The following HINT3 variants were observed in gnomAD, a reference collection of about 807,000 sequenced individuals.
The protein encoded by HINT3 is adenosine 5'-monophosphoramidase HINT3.
Under a neutral mutation model 19.1 loss-of-function variants are expected in HINT3, and 16 were observed. The observed-to-expected ratio is 0.84, with a 90% CI of 0.57 to 1.27. The LOEUF is 1.27. Ranked by LOEUF, HINT3 falls within the 50% of genes most tolerant of loss-of-function variation. The pLI, the probability that HINT3 is intolerant of heterozygous loss-of-function variation, is 0.00. For synonymous variants in HINT3, 75 were observed against 84.8 expected (o/e 0.88, Z 0.63); for missense variants, 197 against 225.8 (o/e 0.87, Z 0.82).
intron 1 of HINT3, among the ~76,000 whole-genome samples, chr6:125,963,659 C>A (rs1662526842): frequency 6.6e-6 from 1 of 152,084 alleles, no homozygotes; most frequent in Non-Finnish European, 1.5e-5. Context: ...AGGAGAAAAA[C>A]AATTTTTATT....
Position 125,966,880 on chromosome 6 carries a change from C to G in HINT3, c.202-7C>G. On this transcript the variant is annotated splice_region_variant and splice_polypyrimidine_tract_variant and intron_variant, in intron 1 of 4. Coordinates refer to ENST00000229633, the MANE Select transcript of HINT3 (RefSeq NM_138571.5). ...AAAAATTCACTAACAAATGTTTTTT[C>G]CTTTAGAATGAGGACCTAATTTGCT... The G allele has an allele frequency of 1.3e-6, 2 of 1,574,126 alleles. No homozygotes were observed. Among genetic ancestry groups the G allele is most frequent in the Non-Finnish European group, 1.7e-6 (2 of 1,148,074 alleles).
At chr6:125,957,448 G>T (rs1348079576) in intron 1 of HINT3, among the ~76,000 whole-genome samples, 1 of 152,184 alleles carries the variant, frequency 6.6e-6, no homozygotes, top group African/African-American at 2.4e-5. Flanking sequence ...GTTCCCAGGG[G>T]CAAAGAGTGA....
At chr6:125,962,209 T>TAC (rs1304880637) in intron 1 of HINT3, among the ~76,000 whole-genome samples, 1,401 of 20,254 alleles carry the variant, frequency 0.069, 160 homozygotes, top group Non-Finnish European at 0.11. Flanking sequence ...TATATATATA[T>TAC]ACACATATAT....
intron 1 of HINT3, among the ~76,000 whole-genome samples, chr6:125,959,180 C>G (rs1002214234): frequency 6.6e-6 from 1 of 151,952 alleles, no homozygotes; most frequent in Non-Finnish European, 1.5e-5. Context: ...TATCTCTAAC[C>G]CAGATTACAG....
chr6:125,968,761 T>C lies in HINT3; in HGVS notation c.319+1757T>C, dbSNP rs1319581801. ...GGGTTTGATTTGCATTTCCTGATGA[T>C]TAGTGATGTGGAGCATTTTTTTCAT... is the stretch of plus-strand genomic sequence containing the variant. On this transcript the variant is annotated intron_variant, in intron 2 of 4. Transcript: ENST00000229633. Among the ~76,000 whole-genome samples, 21 of 152,298 alleles carry C rather than the reference T, an allele frequency of 1.4e-4. No individual in the cohort carries two copies. In the South Asian group the frequency reaches 2.3e-3, roughly 17 times the overall value.
intron 1 of HINT3, among the ~76,000 whole-genome samples, chr6:125,965,564 C>T (rs1007638239): frequency 6.6e-6 from 1 of 151,950 alleles, no homozygotes; most frequent in Non-Finnish European, 1.5e-5. Flanking sequence ...AGTTTGAGAC[C>T]TGCCTGGATA....
At chr6:125,968,406 T>C (rs906486046) in intron 2 of HINT3, among the ~76,000 whole-genome samples, 7 of 152,238 alleles carry the variant, frequency 4.6e-5, no homozygotes, top group African/African-American at 1.7e-4. Flanking sequence ...CTTTATCTAG[T>C]CTACTGCTGA....
intron 1 of HINT3, among the ~76,000 whole-genome samples, chr6:125,960,662 G>C (rs532266489): frequency 4.9e-5 from 7 of 143,532 alleles, no homozygotes; most frequent in African/African-American, 1.8e-4. Context: ...CTCTGGGGGG[G>C]GGGAAAAAAA....
At chr6:125,959,838 C>T (rs967409049) in intron 1 of HINT3, among the ~76,000 whole-genome samples, 9 of 152,208 alleles carry the variant, frequency 5.9e-5, no homozygotes, top group African/African-American at 1.9e-4. Flanking sequence ...TCATTCCTCA[C>T]TCTCTGTGTG....
Position 125,979,343 on chromosome 6 carries a change from C to T in HINT3, c.*1667C>T, listed in dbSNP as rs1789217686. On this transcript the variant is annotated 3_prime_UTR_variant, in exon 5 of 5. Transcript: ENST00000229633. ...TACATAGATTAACAGTTACAAGTTT[C>T]CATAAATCAGTTAGAATATGACTAG... is the stretch of plus-strand genomic sequence containing the variant. The T allele has an allele frequency of 6.6e-6, 1 of 152,080 alleles. No homozygotes were observed. The allele number at this position is 152,080 out of a possible 1,614,324, so 9.4% of individuals were successfully genotyped here.
At chr6:125,963,888 G>T (rs569209336) in intron 1 of HINT3, among the ~76,000 whole-genome samples, 1 of 152,120 alleles carries the variant, frequency 6.6e-6, no homozygotes, top group African/African-American at 2.4e-5. Flanking sequence ...CTGAAAGATC[G>T]TAGAAAATCC....
intron 1 of HINT3, among the ~76,000 whole-genome samples, chr6:125,958,177 A>G (rs1205504467): frequency 1.3e-5 from 2 of 152,120 alleles, no homozygotes; most frequent in Admixed American, 1.3e-4. Context: ...CAGATGAGGA[A>G]ATGGAGAGAA....
intron 3 of HINT3, among the ~76,000 whole-genome samples, chr6:125,973,415 C>T (rs1789137702): frequency 6.6e-6 from 1 of 152,028 alleles, no homozygotes; most frequent in Non-Finnish European, 1.5e-5. Context: ...TAATGTTTTT[C>T]TTTTTAAAAG....
intron 3 of HINT3, among the ~76,000 whole-genome samples, chr6:125,973,272 T>A (rs148287453): frequency 1.1e-4 from 16 of 151,748 alleles, no homozygotes; most frequent in African/African-American, 3.9e-4. Flanking sequence ...AGAGACAGGG[T>A]TTTGCTATGT....
rs1324091386 is a variant in HINT3, at chr6:125,977,736, C to T, written c.*60C>T. On this transcript the variant is annotated 3_prime_UTR_variant, in exon 5 of 5. Coordinates refer to ENST00000229633, the MANE Select transcript of HINT3 (RefSeq NM_138571.5). ...TTCAGCATGAAGTGGTATTTAGGTC[C>T]CTTTTAAGTCTAATTGCAATTTTAA... The T allele has an allele frequency of 3.1e-6, 3 of 953,528 alleles. No individual in the cohort carries two copies. The highest frequency in any genetic ancestry group is 3.4e-5 in the African/African-American group (2 of 58,534). The allele number at this position is 953,528 out of a possible 1,614,324, so 59.1% of individuals were successfully genotyped here.
At chr6:125,959,254 A>G (rs1788885181) in intron 1 of HINT3, among the ~76,000 whole-genome samples, 1 of 152,214 alleles carries the variant, frequency 6.6e-6, no homozygotes, top group Non-Finnish European at 1.5e-5. Flanking sequence ...CCATGAGGTA[A>G]AAAGTGAAGG....
intron 2 of HINT3, 90 bp downstream of exon 2, chr6:125,967,094 A>G: frequency 1.3e-6 from 1 of 757,312 alleles, no homozygotes; most frequent in Non-Finnish European, 2.1e-6. Flanking sequence ...AGTCTAGTTA[A>G]GTACTGTGAA....
chr6:125,975,104 C>A, intron 4 of HINT3, 131 bp downstream of exon 4: 2 of 702,446 alleles, frequency 2.8e-6, no homozygotes, highest in South Asian at 2.3e-5. Flanking sequence ...ATACTGCTTG[C>A]ACATATCCAA....
At chr6:125,962,702 A>G (rs1212171545) in intron 1 of HINT3, among the ~76,000 whole-genome samples, 1 of 152,218 alleles carries the variant, frequency 6.6e-6, no homozygotes, top group Non-Finnish European at 1.5e-5. Flanking sequence ...TCTTCACTCC[A>G]TAAACCTCCA....
Sources: gnomAD v4.1 joint callset for allele counts (sites outside exome capture counted in the v4.1 genomes callset) on GRCh38, gnomAD v4.1.1 for gene constraint, MANE v1.5 for transcripts, NCBI Gene and HGNC (gene_info 2026-07-23, HGNC 2026-07-21) for gene names.